The following XRCC5 variants were observed in gnomAD, a reference collection of about 807,000 sequenced individuals.
XRCC5 encodes the protein X-ray repair cross complementing 5.
A neutral mutation model predicts 95.7 loss-of-function variants in XRCC5; 12 were observed. That is an observed-to-expected ratio of 0.13 (90% CI 0.08 to 0.20). The LOEUF (loss-of-function observed/expected upper bound fraction) is 0.20. Ranked by LOEUF, XRCC5 falls within the 10% of genes least tolerant of loss-of-function variation. XRCC5 has a pLI of 1.00. For synonymous variants in XRCC5, 281 were observed against 290.3 expected (o/e 0.97, Z 0.33); for missense variants, 595 against 873.9 (o/e 0.68, Z 4.02).
chr2:216,150,555 G>A (rs1229547340), intron 14 of XRCC5, among the ~76,000 whole-genome samples: 8 of 152,236 alleles, frequency 5.3e-5, no homozygotes, highest in African/African-American at 1.2e-4. Flanking sequence ...GTACAAACCC[G>A]TGCAGTGTGT....
In XRCC5 at chr2:216,160,092, A is replaced by G. The variant is rs1451585658; in HGVS notation, c.1695A>G (p.Lys565=). The change falls in exon 15 of 21, where the codon AAA becomes AAG. Residue 565 remains lysine (K), a synonymous_variant. Coordinates refer to ENST00000392132, the MANE Select transcript of XRCC5 (RefSeq NM_021141.4). ...GCCATGAAGATGGACCTACAGCTAAAAAATTAAAGACTGAGCAAGGGGGAG... is the reference window on the plus strand; with the variant it reads ...GCCATGAAGATGGACCTACAGCTAAGAAATTAAAGACTGAGCAAGGGGGAG... ...QDNHEDGPTA[K]KLKTEQGGAH... The G allele has an allele frequency of 6.2e-7, 1 of 1,601,428 alleles. No individual in the cohort carries two copies. Among genetic ancestry groups the G allele is most frequent in the South Asian group, 1.1e-5 (1 of 89,478 alleles).
chr2:216,141,561 TTTTTTC>T (rs1274189040), intron 13 of XRCC5, among the ~76,000 whole-genome samples: 38 of 57,270 alleles, frequency 6.6e-4, no homozygotes, highest in East Asian at 2.9e-3. Context: ...TTTTTTTTTT[TTTTTTC>T]CTGGAAGAAG....
chr2:216,137,994 T>C (rs1697115179), intron 11 of XRCC5, 95 bp from the exon 12 acceptor site: 1 of 1,104,320 alleles, frequency 9.1e-7, no homozygotes, highest in Non-Finnish European at 1.3e-6. Context: ...TTTTGAAATA[T>C]TTCTGTTATG....
In XRCC5 at chr2:216,193,186, A is replaced by G. The variant is rs187567859; in HGVS notation, c.2041+451A>G. On this transcript the variant is annotated intron_variant, in intron 18 of 20. Transcript: ENST00000392132. ...GGACTTTCCGTTTCAACAGACCAGCATCTTCATGTACCAAAACCATTCAGT... is the reference window on the plus strand; with the variant it reads ...GGACTTTCCGTTTCAACAGACCAGCGTCTTCATGTACCAAAACCATTCAGT... 3.3e-5 allele frequency among the ~76,000 whole-genome samples: 5 copies of G among 152,330 alleles called. No individual in the cohort carries two copies. The South Asian group carries it at 8.3e-4, about 25-fold the overall frequency.
At chr2:216,136,953 T>G in intron 10 of XRCC5, 135 bp from the exon 11 acceptor site, 2 of 1,012,414 alleles carry the variant, frequency 2.0e-6, no homozygotes, top group Non-Finnish European at 2.8e-6. Flanking sequence ...ATGTGTGCAC[T>G]TCGTCCTTCA....
At chr2:216,112,994 C>T (rs1294897976) in intron 1 of XRCC5, 22 bp from the exon 2 acceptor site, 2 of 1,588,196 alleles carry the variant, frequency 1.3e-6, no homozygotes, top group Non-Finnish European at 8.6e-7. Context: ...TTCTCAAACA[C>T]TCTTTGGAAC....
intron 17 of XRCC5, 69 bp downstream of exon 17, chr2:216,190,403 G>C: frequency 1.5e-6 from 2 of 1,370,882 alleles, no homozygotes; most frequent in Non-Finnish European, 2.1e-6. Flanking sequence ...GAGGCATACA[G>C]CATCCTGGAA....
At chr2:216,187,154 G>C (rs758136453) in intron 16 of XRCC5, among the ~76,000 whole-genome samples, 160 of 152,168 alleles carry the variant, frequency 1.1e-3, no homozygotes, top group Non-Finnish European at 1.4e-3. Context: ...CCAAAATCTG[G>C]TTGTTTGTAT....
At chr2:216,159,388 AT>A (rs1221086953) in intron 14 of XRCC5, among the ~76,000 whole-genome samples, 5 of 152,218 alleles carry the variant, frequency 3.3e-5, no homozygotes. Flanking sequence ...TTGAGGCAAG[AT>A]GTTTGATATA....
intron 7 of XRCC5, 120 bp from the exon 8 acceptor site, chr2:216,127,416 A>C: frequency 8.5e-7 from 1 of 1,173,948 alleles, no homozygotes. Context: ...CAAACAAAAT[A>C]ATGGAGCTAG....
At chr2:216,117,706 A>G in intron 3 of XRCC5, 40 bp from the exon 4 acceptor site, 1 of 1,606,858 alleles carries the variant, frequency 6.2e-7, no homozygotes, top group South Asian at 1.1e-5. Flanking sequence ...GTTCACATGA[A>G]GAGACTGTTT....
rs1553576430 is a variant in XRCC5, at chr2:216,172,469, C to CTTTTTCT, written c.1834+10426_1834+10427insCTTTTTT. Among the ~76,000 whole-genome samples the CTTTTTCT allele has an allele frequency of 2.8e-4, 30 of 107,800 alleles. 1 individual carries two copies. The highest frequency in any genetic ancestry group is 5.0e-4 in the Non-Finnish European group (28 of 56,300). 70.7% of individuals were successfully genotyped at this position (107,800 alleles called of 152,430 possible). A position where few individuals can be genotyped will look rare whatever the true frequency, so the allele number is the denominator to read the frequency against. ...AAACTTTAGCATCAGCTTTTCTTTT[C>CTTTTTCT]TTTTTTTTTTTTTTTTTGAGACAAA... On this transcript the variant is annotated intron_variant, in intron 16 of 20. Transcript: ENST00000392132.
intron 16 of XRCC5, among the ~76,000 whole-genome samples, chr2:216,174,150 CTTTTG>C (rs1286358180): frequency 2.1e-5 from 3 of 144,286 alleles, no homozygotes; most frequent in Admixed American, 6.8e-5. Flanking sequence ...TTGTGGGGAG[CTTTTG>C]TTTTGTTTTG....
At chr2:216,192,760 T>A (rs778756756) in intron 18 of XRCC5, 25 bp downstream of exon 18, 80 of 1,471,232 alleles carry the variant, frequency 5.4e-5, no homozygotes, top group African/African-American at 3.2e-4. Context: ...GCCTTTTTTT[T>A]TAAAAAGTAT....
intron 9 of XRCC5, among the ~76,000 whole-genome samples, chr2:216,131,831 T>C (rs922461515): frequency 6.6e-6 from 1 of 152,236 alleles, no homozygotes; most frequent in Non-Finnish European, 1.5e-5. Context: ...GTTCTCCAAA[T>C]GTACCATGCT....
Position 216,126,006 on chromosome 2 carries a change from C to G in XRCC5, c.773C>G (p.Ser258Cys). 6.2e-7 allele frequency: 1 copy of G among 1,613,726 alleles called. No individual in the cohort carries two copies. The highest frequency in any genetic ancestry group is 1.1e-5 in the South Asian group (1 of 91,064). ...CGACTGACCATTGGCTCCAATTTGT[C>G]TATAAGGATTGCAGCCTATAAATCG... The part of the protein sequence containing the change: ...PCRLTIGSNL[S>C]IRIAAYKSIL... The change falls in exon 7 of 21, where the codon TCT becomes TGT. Residue 258 changes from serine (S) to cysteine (C), a missense_variant. By Grantham distance (112) the Ser-to-Cys change is moderately radical. Coordinates refer to ENST00000392132, the MANE Select transcript of XRCC5 (RefSeq NM_021141.4).
intron 9 of XRCC5, chr2:216,131,294 T>G (rs1696990333): frequency 1.0e-6 from 1 of 980,094 alleles, no homozygotes; most frequent in East Asian, 1.1e-4. Context: ...TGAGGTTCAG[T>G]CTTCTTGAGC....
intron 13 of XRCC5, among the ~76,000 whole-genome samples, chr2:216,144,026 T>G (rs1697212940): frequency 6.6e-6 from 1 of 152,162 alleles, no homozygotes; most frequent in African/African-American, 2.4e-5. Context: ...AGCTTACTTC[T>G]TTTATGGACC....
intron 9 of XRCC5, chr2:216,131,215 G>A: frequency 1.0e-6 from 1 of 985,380 alleles, no homozygotes; most frequent in Non-Finnish European, 1.2e-6. Context: ...ATACAGGATG[G>A]TTTTTGAATG....
Sources: gnomAD v4.1 joint callset for allele counts (sites outside exome capture counted in the v4.1 genomes callset) on GRCh38, gnomAD v4.1.1 for gene constraint, MANE v1.5 for transcripts, NCBI Gene and HGNC (gene_info 2026-07-23, HGNC 2026-07-21) for gene names.